Variants in L3MBTL4 observed in about 807,000 individuals in gnomAD.
The protein encoded by L3MBTL4 is L3MBTL histone methyl-lysine binding protein 4, also known as lethal(3)malignant brain tumor-like protein 4.
In L3MBTL4, 70 loss-of-function variants were observed where a neutral mutation model predicts 84.5. The observed-to-expected ratio is 0.83, with a 90% CI of 0.68 to 1.01. The LOEUF (loss-of-function observed/expected upper bound fraction) is 1.01. Among genes scored for constraint, L3MBTL4 ranks in the 50% least tolerant of loss-of-function variants. L3MBTL4 has a pLI of 0.00. For missense variants in L3MBTL4, 715 were observed against 754.8 expected (o/e 0.95, Z 0.62); for synonymous variants, 274 against 259.8 (o/e 1.05, Z -0.52).
At chr18:5,968,320 T>C (rs1539807) in intron 17 of L3MBTL4, among the ~76,000 whole-genome samples, 96,339 of 152,184 alleles carry the variant, frequency 0.63, 32,936 homozygotes, top group East Asian at 0.94. Context: ...GTAAGTGGTA[T>C]ATTCCTTAAA....
At chr18:6,203,153 G>C (rs2045719628) in intron 12 of L3MBTL4, among the ~76,000 whole-genome samples, 1 of 152,302 alleles carries the variant, frequency 6.6e-6, no homozygotes, top group East Asian at 1.9e-4. Context: ...GAAAAGCAGA[G>C]AAGCCAACAA....
intron 4 of L3MBTL4, among the ~76,000 whole-genome samples, chr18:6,286,915 G>C (rs1011725478): frequency 4.6e-5 from 7 of 152,128 alleles, no homozygotes; most frequent in Admixed American, 3.3e-4. Context: ...TGTTCACAAG[G>C]GTTCTTTTCA....
chr18:6,364,280 G>C (rs1255769951), intron 1 of L3MBTL4, among the ~76,000 whole-genome samples: 1 of 151,950 alleles, frequency 6.6e-6, no homozygotes, highest in Non-Finnish European at 1.5e-5. Context: ...TATTATTTAT[G>C]TTAAGTAATG....
At chr18:6,400,912 C>T (rs371008684) in intron 1 of L3MBTL4, among the ~76,000 whole-genome samples, 1 of 152,308 alleles carries the variant, frequency 6.6e-6, no homozygotes, top group East Asian at 1.9e-4. Context: ...GACGCAAAAC[C>T]TAACTCGTGT....
chr18:6,170,958 T>A (rs1443072382), intron 13 of L3MBTL4, among the ~76,000 whole-genome samples: 1 of 152,192 alleles, frequency 6.6e-6, no homozygotes, highest in Non-Finnish European at 1.5e-5. Context: ...CAGAAGGGCC[T>A]TCATCTCTTT....
At chr18:6,109,191 T>C (rs1036762946) in intron 14 of L3MBTL4, among the ~76,000 whole-genome samples, 1 of 152,196 alleles carries the variant, frequency 6.6e-6, no homozygotes, top group South Asian at 2.1e-4. Context: ...TGATCTTTTC[T>C]CTGAAAAATG....
intron 1 of L3MBTL4, among the ~76,000 whole-genome samples, chr18:6,394,071 C>T (rs2055170012): frequency 6.6e-6 from 1 of 152,160 alleles, no homozygotes. Context: ...CTCCCCTCTC[C>T]TTCTCACTAC....
At chr18:6,043,554 T>A (rs1409685437) in intron 16 of L3MBTL4, among the ~76,000 whole-genome samples, 1 of 152,202 alleles carries the variant, frequency 6.6e-6, no homozygotes, top group Non-Finnish European at 1.5e-5. Context: ...ATCTTTGGAA[T>A]AAATAGGCTC....
At chr18:6,030,403 C>T in intron 16 of L3MBTL4, 1 of 985,200 alleles carries the variant, frequency 1.0e-6, no homozygotes, top group Non-Finnish European at 1.2e-6. Flanking sequence ...AAAGCAGGAA[C>T]ACAAACATAT....
chr18:5,996,368 G>C (rs1598392245), intron 16 of L3MBTL4, among the ~76,000 whole-genome samples: 1 of 152,328 alleles, frequency 6.6e-6, no homozygotes, highest in East Asian at 1.9e-4. Context: ...AGTAAGATTT[G>C]CTTCAGCCTC....
At chr18:6,269,969 G>A (rs557603408) in intron 4 of L3MBTL4, among the ~76,000 whole-genome samples, 50 of 152,288 alleles carry the variant, frequency 3.3e-4, no homozygotes, top group African/African-American at 1.2e-3. Flanking sequence ...TCTTAAGAGT[G>A]GCCCTTTCCC....
At chr18:5,998,702 C>A (rs558764421) in intron 16 of L3MBTL4, among the ~76,000 whole-genome samples, 23 of 152,156 alleles carry the variant, frequency 1.5e-4, no homozygotes, top group Non-Finnish European at 2.9e-4. Context: ...TGCAATCAGT[C>A]ATTTTCCAGG....
At chr18:6,108,105 C>T (rs1215814510) in intron 14 of L3MBTL4, among the ~76,000 whole-genome samples, 1 of 152,118 alleles carries the variant, frequency 6.6e-6, no homozygotes, top group Admixed American at 6.5e-5. Context: ...GACTCTCAGC[C>T]CTTGCTACAC....
Position 6,241,359 on chromosome 18 carries a change from G to A in L3MBTL4, c.551C>T (p.Pro184Leu), listed in dbSNP as rs147627432. 360 of 1,547,214 alleles carry A rather than the reference G, an allele frequency of 2.3e-4. 1 individual carries two copies. The highest frequency in any genetic ancestry group is 2.9e-4 in the Non-Finnish European group (325 of 1,125,514). Residue 184 changes from proline to leucine, a missense_variant and splice_region_variant, in exon 8 of 19, where the codon CCT (proline) becomes CTT (leucine). Transcript: ENST00000317931. The part of the protein sequence containing the change: ...APKKLFRNRS[P>L]NGPMSKEFQV... Reference sequence around the variant, plus strand: ...TATGCTGGGAAAGAAAATACTTACAGGACTTCTGTTTCTGAATAATTTCTT... The same window carrying A: ...TATGCTGGGAAAGAAAATACTTACAAGACTTCTGTTTCTGAATAATTTCTT...
At chr18:6,012,563 G>A (rs965242628) in intron 16 of L3MBTL4, among the ~76,000 whole-genome samples, 1 of 152,040 alleles carries the variant, frequency 6.6e-6, no homozygotes, top group Non-Finnish European at 1.5e-5. Context: ...AGTGGCTCAT[G>A]CCTATAATCC....
At chr18:6,047,512 A>G (rs1347229392) in intron 16 of L3MBTL4, among the ~76,000 whole-genome samples, 4 of 152,252 alleles carry the variant, frequency 2.6e-5, no homozygotes, top group Admixed American at 2.6e-4. Context: ...GCAAAATACT[A>G]GCAAACTGAA....
intron 16 of L3MBTL4, among the ~76,000 whole-genome samples, chr18:6,060,155 A>G (rs2057158234): frequency 6.6e-6 from 1 of 152,184 alleles, no homozygotes; most frequent in African/African-American, 2.4e-5. Context: ...AATATTCATT[A>G]CATACTCTCA....
At chr18:6,209,986 G>T (rs1479190591) in intron 12 of L3MBTL4, among the ~76,000 whole-genome samples, 1 of 152,124 alleles carries the variant, frequency 6.6e-6, no homozygotes, top group Non-Finnish European at 1.5e-5. Flanking sequence ...CCAGGGGCTT[G>T]GTTGGGTAGA....
intron 16 of L3MBTL4, among the ~76,000 whole-genome samples, chr18:6,026,301 G>A (rs2055502593): frequency 6.6e-6 from 1 of 152,162 alleles, no homozygotes; most frequent in African/African-American, 2.4e-5. Context: ...TTCAAGTGGG[G>A]TTATTTTCCT....
Sources: allele counts gnomAD v4.1 joint callset (sites outside exome capture counted in the v4.1 genomes callset), GRCh38; gene constraint gnomAD v4.1.1; transcripts MANE v1.5; gene names NCBI Gene and HGNC (gene_info 2026-07-23, HGNC 2026-07-21).